FOXO3: variants seen among roughly 807,000 people sequenced by gnomAD.
The protein encoded by FOXO3 is forkhead box protein O3.
FOXO3 carries 4 observed loss-of-function variants against 41.9 expected under a neutral mutation model. That is an observed-to-expected ratio of 0.10 (90% CI 0.05 to 0.22). The LOEUF is 0.22. Ranked by LOEUF, FOXO3 falls within the 10% of genes least tolerant of loss-of-function variation. The pLI, the probability that FOXO3 is intolerant of heterozygous loss-of-function variation, is 1.00. For missense variants in FOXO3, 534 were observed against 906.8 expected, an observed-to-expected ratio of 0.59 and a Z score of 5.28; for synonymous variants, 318 against 389.3, an observed-to-expected ratio of 0.82 and a Z score of 2.16.
At chr6:108,626,617 CT>C (rs3841314) in intron 1 of FOXO3, among the ~76,000 whole-genome samples, 1 of 149,208 alleles carries the variant, frequency 6.7e-6, no homozygotes, top group South Asian at 2.1e-4. Context: ...GATTATATAG[CT>C]TTTTTTTTTA....
intron 1 of FOXO3, among the ~76,000 whole-genome samples, chr6:108,619,027 G>C (rs945842311): frequency 6.6e-6 from 1 of 152,196 alleles, no homozygotes; most frequent in Non-Finnish European, 1.5e-5. Flanking sequence ...ACTGTTCTCA[G>C]AAATTAAGTC....
chr6:108,560,330 AC>A (rs1422154094), upstream of FOXO3, among the ~76,000 whole-genome samples: 1 of 151,768 alleles, frequency 6.6e-6, no homozygotes, highest in African/African-American at 2.4e-5. Context: ...GGCGGAGGGG[AC>A]GACGTCCGCG....
chr6:108,648,239 A>G (rs2128381601), intron 1 of FOXO3, among the ~76,000 whole-genome samples: 1 of 152,322 alleles, frequency 6.6e-6, no homozygotes, highest in African/African-American at 2.4e-5. Context: ...GAGGCAGCCC[A>G]GTTGTCAGGG....
At position 108,663,629 on chromosome 6, in the gene FOXO3, C is replaced by T. The variant is rs753626450; in HGVS notation, c.796C>T (p.Arg266Cys). 10 of 1,613,538 alleles carry T rather than the reference C, an allele frequency of 6.2e-6. No homozygotes were observed. The highest frequency in any genetic ancestry group is 8.5e-6 in the Non-Finnish European group (10 of 1,179,658). The change falls in exon 2 of 3, where the codon CGC becomes TGC. Residue 266 changes from arginine to cysteine, a missense_variant. By Grantham distance (180) the Arg-to-Cys change is radical. Transcript: ENST00000406360. ...CAACAAGTATACCAAGAGCCGTGGC[C>T]GCGCAGCCAAGAAGAAGGCAGCCCT... ...NSNKYTKSRG[R>C]AAKKKAALQT... is the part of the protein sequence containing the mutation.
chr6:108,654,663 C>T (rs774585199), intron 1 of FOXO3, among the ~76,000 whole-genome samples: 6 of 151,502 alleles, frequency 4.0e-5, no homozygotes, highest in South Asian at 2.1e-4. Flanking sequence ...AGCAGTTTAA[C>T]GGGAAATCTT....
In FOXO3 at chr6:108,654,724, T is replaced by C. The variant is rs1465264875; in HGVS notation, c.622-8731T>C. On this transcript the variant is annotated intron_variant, in intron 1 of 2. Coordinates refer to ENST00000406360, the MANE Select transcript of FOXO3 (RefSeq NM_001455.4). ...CAGCCAAGTTCCCAACAATGTTTAC[T>C]TTAGAGCATCGTCTTTTTTTTTTTT... Among the ~76,000 whole-genome samples, 4 of 152,108 alleles carry C rather than the reference T, an allele frequency of 2.6e-5. No homozygotes were observed. In the South Asian group the frequency reaches 8.3e-4, roughly 31 times the overall value.
At chr6:108,616,156 G>GTTTTTTT (rs35632295) in intron 1 of FOXO3, among the ~76,000 whole-genome samples, 60 of 55,158 alleles carry the variant, frequency 1.1e-3, no homozygotes, top group African/African-American at 1.8e-3. Context: ...CCCAACTAAG[G>GTTTTTTT]TTTTTTTTTT....
At chr6:108,580,821 G>A (rs932976890) in intron 1 of FOXO3, among the ~76,000 whole-genome samples, 1 of 152,246 alleles carries the variant, frequency 6.6e-6, no homozygotes, top group Non-Finnish European at 1.5e-5. Context: ...GTGTTAGGTT[G>A]TAGACAAGCA....
At chr6:108,584,085 G>T (rs559940105) in intron 1 of FOXO3, among the ~76,000 whole-genome samples, 3 of 152,290 alleles carry the variant, frequency 2.0e-5, no homozygotes, top group African/African-American at 2.4e-5. Flanking sequence ...CACAGCCATG[G>T]TTATTCATCC....
rs1763864270 is a variant in FOXO3, at chr6:108,681,808, GACTTGCTTACTA to G, written c.*2017_*2028del. ...ATATGGTCTGCTTGTCAGTGAGCCAGACTTGCTTACTATATTCCTTTATAATAATGCTAGCCA... is the reference window on the plus strand; with the variant it reads ...ATATGGTCTGCTTGTCAGTGAGCCAGTATTCCTTTATAATAATGCTAGCCA... On this transcript the variant is annotated 3_prime_UTR_variant, in exon 3 of 3. Coordinates refer to ENST00000406360, the MANE Select transcript of FOXO3 (RefSeq NM_001455.4). 1 of 152,172 alleles carries G rather than the reference GACTTGCTTACTA, an allele frequency of 6.6e-6. No individual in the cohort carries two copies. The allele number at this position is 152,172 out of a possible 1,614,324, so 9.4% of individuals were successfully genotyped here. A position where few individuals can be genotyped will look rare whatever the true frequency, so the allele number is the denominator to read the frequency against.
In FOXO3 at chr6:108,683,043, C is replaced by G. The variant is rs1179360074; in HGVS notation, c.*3251C>G. ...AACTGGCTGCCAGGCTCAGTGTACC[C>G]CATTAACTGTGAATGAATCTGAGCT... On this transcript the variant is annotated 3_prime_UTR_variant, in exon 3 of 3. Transcript: ENST00000406360. 1 of 152,646 alleles carries G rather than the reference C, an allele frequency of 6.6e-6. No individual in the cohort carries two copies. Among genetic ancestry groups the G allele is most frequent in the Non-Finnish European group, 1.5e-5 (1 of 68,048 alleles). The allele number at this position is 152,646 out of a possible 1,614,324, so 9.5% of individuals were successfully genotyped here.
At chr6:108,563,934 T>G (rs1363129529) in intron 1 of FOXO3, among the ~76,000 whole-genome samples, 1 of 151,862 alleles carries the variant, frequency 6.6e-6, no homozygotes, top group South Asian at 2.1e-4. Flanking sequence ...TATGGTTTTA[T>G]GTCATCGTTT....
In FOXO3 at chr6:108,663,768, G is replaced by A; in HGVS notation, c.935G>A (p.Arg312His). Residue 312 changes from arginine to histidine, a missense_variant, in exon 2 of 3, where the codon CGC becomes CAC. Arg to His is a conservative substitution (Grantham distance 29). This residue lies in a region of FOXO3 where 185 missense variants were observed against 224.9 expected (regional missense o/e 0.82). Transcript: ENST00000406360. ...GATGCGTGGACGGACTTCCGTTCACGCACCAATTCTAACGCCAGCACAGTC... is the reference window on the plus strand; with the variant it reads ...GATGCGTGGACGGACTTCCGTTCACACACCAATTCTAACGCCAGCACAGTC... ...ELDAWTDFRSRTNSNASTVSG... is the reference protein window; with the variant it reads ...ELDAWTDFRSHTNSNASTVSG... 6 of 1,613,904 alleles carry A rather than the reference G, an allele frequency of 3.7e-6. No individual in the cohort carries two copies. The highest frequency in any genetic ancestry group is 4.2e-6 in the Non-Finnish European group (5 of 1,179,828).
intron 1 of FOXO3, among the ~76,000 whole-genome samples, chr6:108,642,089 G>GTT (rs5878987): frequency 0.54 from 73,222 of 134,832 alleles, 22,256 homozygotes; most frequent in East Asian, 0.68. Flanking sequence ...TGCTTTTGGT[G>GTT]TTTTTTTTTT....
intron 1 of FOXO3, chr6:108,656,390 A>T: frequency 1.0e-6 from 1 of 985,350 alleles, no homozygotes; most frequent in Non-Finnish European, 1.2e-6. Flanking sequence ...GAAGGGCTGA[A>T]GCGGACGTAG....
intron 1 of FOXO3, among the ~76,000 whole-genome samples, chr6:108,592,799 G>A (rs934555903): frequency 1.3e-5 from 2 of 152,174 alleles, no homozygotes; most frequent in African/African-American, 4.8e-5. Context: ...ATTTGTTGTG[G>A]TTTCAGAGTC....
At chr6:108,678,001 T>C (rs891908125) in intron 2 of FOXO3, among the ~76,000 whole-genome samples, 2 of 152,202 alleles carry the variant, frequency 1.3e-5, no homozygotes, top group Non-Finnish European at 2.9e-5. Context: ...GAGGCTTCTT[T>C]TTATACTTTA....
chr6:108,597,595 G>A (rs1052442556), intron 1 of FOXO3, among the ~76,000 whole-genome samples: 4 of 152,134 alleles, frequency 2.6e-5, no homozygotes, highest in African/African-American at 9.7e-5. Context: ...GGGCAAAAGG[G>A]TACTTTGATT....
chr6:108,635,497 A>G (rs1458200807), intron 1 of FOXO3, among the ~76,000 whole-genome samples: 1 of 152,198 alleles, frequency 6.6e-6, no homozygotes, highest in African/African-American at 2.4e-5. Context: ...GTGGGTACAC[A>G]GGTGTTTGTT....
Sources: gnomAD v4.1 joint callset for allele counts (sites outside exome capture counted in the v4.1 genomes callset) on GRCh38, gnomAD v4.1.1 for gene constraint, gnomAD v4.1.1 regional missense constraint, MANE v1.5 for transcripts, NCBI Gene and HGNC (gene_info 2026-07-23, HGNC 2026-07-21) for gene names.